The following NTRK3 variants were observed in gnomAD, a reference collection of about 807,000 sequenced individuals.
NTRK3 encodes the protein NT-3 growth factor receptor.
In NTRK3, 24 loss-of-function variants were observed where a neutral mutation model predicts 91.7. That is an observed-to-expected ratio of 0.26 (90% confidence interval 0.19 to 0.37). The LOEUF (loss-of-function observed/expected upper bound fraction) is 0.37, where lower values mean the gene tolerates loss of function less well. Ranked by LOEUF, NTRK3 falls within the 10% of genes least tolerant of loss-of-function variation. The pLI, the probability that NTRK3 is intolerant of heterozygous loss-of-function variation, is 1.00. For synonymous variants in NTRK3, 483 were observed against 404.0 expected, an observed-to-expected ratio of 1.20 and a Z score of -2.34; for missense variants, 880 against 1,068.9, an observed-to-expected ratio of 0.82 and a Z score of 2.46.
intron 6 of NTRK3, among the ~76,000 whole-genome samples, chr15:88,146,058 C>T (rs565003541): frequency 1.3e-5 from 2 of 152,220 alleles, no homozygotes; most frequent in South Asian, 4.2e-4. Flanking sequence ...TAAGGAATTG[C>T]CATAAGGATT....
chr15:88,167,650 G>A (rs563017696), intron 5 of NTRK3, among the ~76,000 whole-genome samples: 9 of 152,092 alleles, frequency 5.9e-5, no homozygotes, highest in East Asian at 1.9e-4. Flanking sequence ...GTCATTAGTC[G>A]TGAGGGGAGG....
intron 13 of NTRK3, among the ~76,000 whole-genome samples, chr15:88,102,270 T>C (rs1374784002): frequency 6.6e-6 from 1 of 152,204 alleles, no homozygotes; most frequent in Non-Finnish European, 1.5e-5. Context: ...CTTCTAATTC[T>C]TCATGAATTG....
intron 14 of NTRK3, among the ~76,000 whole-genome samples, chr15:88,028,276 A>ATG (rs1460168057): frequency 2.0e-5 from 3 of 152,192 alleles, no homozygotes; most frequent in Non-Finnish European, 4.4e-5. Context: ...GGTGGAGACC[A>ATG]TGTGTCTCTT....
At chr15:87,943,515 G>A (rs892365999) in intron 14 of NTRK3, among the ~76,000 whole-genome samples, 1 of 151,946 alleles carries the variant, frequency 6.6e-6, no homozygotes, top group African/African-American at 2.4e-5. Context: ...GATTTTCCTG[G>A]GTCCCTAAGT....
chr15:88,143,628 A>G (rs1192019904), intron 6 of NTRK3, among the ~76,000 whole-genome samples: 1 of 152,186 alleles, frequency 6.6e-6, no homozygotes, highest in Non-Finnish European at 1.5e-5. Flanking sequence ...AGGATTCATG[A>G]TAATATATGT....
chr15:87,910,688 A>G (rs2067039883), intron 17 of NTRK3, among the ~76,000 whole-genome samples: 1 of 152,206 alleles, frequency 6.6e-6, no homozygotes, highest in African/African-American at 2.4e-5. Flanking sequence ...CAAACTTAAA[A>G]TGAGAGGAAG....
chr15:88,235,732 T>C lies in NTRK3; in HGVS notation c.248+20174A>G, dbSNP rs749533413. Among the ~76,000 whole-genome samples the C allele has an allele frequency of 3.2e-4, 48 of 152,320 alleles. No individual in the cohort carries two copies. In the Middle Eastern group the frequency reaches 0.01, roughly 32 times the overall value. On this transcript the variant is annotated intron_variant, in intron 3 of 18. Coordinates refer to ENST00000394480, the Ensembl canonical transcript of NTRK3. This position sits in a 1 kb window ranked among gnomAD's most constrained non-coding sequence, Gnocchi z 5.2. ...GGGCTGAGGACCCCAGAAGGTGCCC[T>C]TGAGAAGTCAGTCATCTGTTTTCTG...
At chr15:88,057,511 AAAAG>A (rs1052366403) in intron 13 of NTRK3, among the ~76,000 whole-genome samples, 44 of 151,988 alleles carry the variant, frequency 2.9e-4, no homozygotes, top group South Asian at 1.2e-3. Flanking sequence ...AGAAAAAAAA[AAAAG>A]AAAGAAATGT....
intron 3 of NTRK3, among the ~76,000 whole-genome samples, chr15:88,187,798 G>A (rs559310984): frequency 5.5e-4 from 83 of 152,106 alleles, no homozygotes; most frequent in African/African-American, 1.9e-3. Flanking sequence ...GCCAGGTATG[G>A]TGGTGGGCGC....
intron 13 of NTRK3, among the ~76,000 whole-genome samples, chr15:88,045,410 C>T (rs116136410): frequency 0.014 from 2,118 of 152,272 alleles, 49 homozygotes; most frequent in African/African-American, 0.048. Context: ...TCATAAATCC[C>T]TACAAGGCAA....
At chr15:87,909,947 T>C (rs540154003) in intron 17 of NTRK3, among the ~76,000 whole-genome samples, 1 of 152,278 alleles carries the variant, frequency 6.6e-6, no homozygotes, top group South Asian at 2.1e-4. Flanking sequence ...CAGATTCTGT[T>C]GTTGAAGCCC....
At chr15:87,891,955 A>G (rs989044950) in intron 17 of NTRK3, among the ~76,000 whole-genome samples, 3 of 152,154 alleles carry the variant, frequency 2.0e-5, no homozygotes, top group African/African-American at 7.2e-5. Context: ...AAGTCTATCC[A>G]GCGTGTACTC....
At chr15:87,979,965 T>C (rs1279029597) in intron 14 of NTRK3, among the ~76,000 whole-genome samples, 4 of 152,188 alleles carry the variant, frequency 2.6e-5, no homozygotes, top group African/African-American at 9.7e-5. Flanking sequence ...AGACCACTTC[T>C]GACCACACCA....
At chr15:88,189,483 G>T (rs1386589659) in intron 3 of NTRK3, among the ~76,000 whole-genome samples, 1 of 151,424 alleles carries the variant, frequency 6.6e-6, no homozygotes, top group African/African-American at 2.4e-5. Flanking sequence ...GAGTGCAATG[G>T]CTCACTGCAA....
chr15:88,249,326 C>A (rs2141993508), intron 3 of NTRK3, among the ~76,000 whole-genome samples: 1 of 152,326 alleles, frequency 6.6e-6, no homozygotes, highest in East Asian at 1.9e-4. Flanking sequence ...AGCTCTGGGG[C>A]TGCCAGTCTC....
intron 14 of NTRK3, among the ~76,000 whole-genome samples, chr15:88,024,405 A>C (rs919515353): frequency 1.3e-5 from 2 of 152,202 alleles, no homozygotes; most frequent in South Asian, 4.1e-4. Flanking sequence ...CTCTATCCCC[A>C]GGGCCTAACA....
At chr15:88,185,710 A>C (rs547370679) in intron 3 of NTRK3, among the ~76,000 whole-genome samples, 1 of 152,254 alleles carries the variant, frequency 6.6e-6, no homozygotes, top group Non-Finnish European at 1.5e-5. Flanking sequence ...TGTCCAGAAA[A>C]GTGACAGCCA....
At chr15:88,144,271 G>C (rs908911453) in intron 6 of NTRK3, 2 of 152,210 alleles carry the variant, frequency 1.3e-5, no homozygotes, top group Non-Finnish European at 2.9e-5. Flanking sequence ...TCCAATGCAA[G>C]TCATGGAAGA....
intron 16 of NTRK3, among the ~76,000 whole-genome samples, chr15:87,930,899 G>A (rs2068737981): frequency 6.6e-6 from 1 of 152,094 alleles, no homozygotes; most frequent in Non-Finnish European, 1.5e-5. Flanking sequence ...CTGTCTTCAG[G>A]AAGGGATCCC....
Sources: gnomAD v4.1 joint callset for allele counts (sites outside exome capture counted in the v4.1 genomes callset) on GRCh38, gnomAD v4.1.1 for gene constraint, Gnocchi (gnomAD v3.1) non-coding constraint, MANE v1.5 for transcripts, NCBI Gene and HGNC (gene_info 2026-07-23, HGNC 2026-07-21) for gene names.